Variants in STXBP5L observed in about 807,000 individuals in gnomAD.
The protein encoded by STXBP5L is syntaxin-binding protein 5-like.
Under a neutral mutation model 144.5 loss-of-function variants are expected in STXBP5L, and 65 were observed. That is an observed-to-expected ratio of 0.45 (90% CI 0.37 to 0.55). STXBP5L has a LOEUF of 0.55. STXBP5L is among the 20% of genes least tolerant of loss of function. STXBP5L has a pLI of 0.00. For missense variants in STXBP5L, 1,298 were observed against 1,405.5 expected, an observed-to-expected ratio of 0.92 and a Z score of 1.22; for synonymous variants, 505 against 469.6, an observed-to-expected ratio of 1.08 and a Z score of -0.97.
rs142197648 is a variant in STXBP5L, at chr3:121,333,716, C to G, written c.2176+15176C>G. Reference sequence around the variant, plus strand: ...GGTTACCACTGACCCCAAAGAAATACAAGTAACCAGCAGGGACTACTATAA... The same window carrying G: ...GGTTACCACTGACCCCAAAGAAATAGAAGTAACCAGCAGGGACTACTATAA... On this transcript the variant is annotated intron_variant, in intron 20 of 26. Transcript: ENST00000471454. 3.9e-5 allele frequency among the ~76,000 whole-genome samples: 6 copies of G among 152,124 alleles called. No homozygotes were observed. The East Asian group carries it at 9.7e-4, about 25-fold the overall frequency.
At chr3:121,258,093 C>T (rs1199537793) in intron 17 of STXBP5L, among the ~76,000 whole-genome samples, 1 of 151,998 alleles carries the variant, frequency 6.6e-6, no homozygotes, top group Non-Finnish European at 1.5e-5. Flanking sequence ...TTTTTTAAAA[C>T]TATTTATTAA....
At chr3:120,939,874 G>A (rs1003749670) in intron 2 of STXBP5L, among the ~76,000 whole-genome samples, 4 of 152,060 alleles carry the variant, frequency 2.6e-5, no homozygotes, top group African/African-American at 9.7e-5. Context: ...AAATGATCTA[G>A]TTCACTCTTT....
chr3:121,122,857 A>G (rs777736570), intron 7 of STXBP5L, among the ~76,000 whole-genome samples: 4 of 151,504 alleles, frequency 2.6e-5, no homozygotes, highest in African/African-American at 9.7e-5. Flanking sequence ...ATAATAAGAG[A>G]TAGGCAACAA....
intron 9 of STXBP5L, among the ~76,000 whole-genome samples, chr3:121,203,709 T>C (rs1170281043): frequency 6.6e-6 from 1 of 152,174 alleles, no homozygotes; most frequent in Non-Finnish European, 1.5e-5. Flanking sequence ...CCCACTGAAA[T>C]CAATTGATGA....
chr3:121,033,870 A>C (rs796244981), intron 3 of STXBP5L, among the ~76,000 whole-genome samples: 9 of 152,216 alleles, frequency 5.9e-5, no homozygotes, highest in African/African-American at 2.2e-4. Flanking sequence ...ACATGAATTA[A>C]ACTGATTAAT....
intron 20 of STXBP5L, among the ~76,000 whole-genome samples, chr3:121,366,329 C>G (rs972424332): frequency 3.4e-4 from 51 of 151,840 alleles, no homozygotes; most frequent in Admixed American, 8.5e-4. Context: ...GTTGGTCTAT[C>G]TATTTTTCAG....
At chr3:121,267,725 C>T (rs1225745216) in intron 18 of STXBP5L, among the ~76,000 whole-genome samples, 1 of 151,800 alleles carries the variant, frequency 6.6e-6, no homozygotes, top group Non-Finnish European at 1.5e-5. Flanking sequence ...AAAAAAACAA[C>T]CCCATCAAAA....
intron 5 of STXBP5L, among the ~76,000 whole-genome samples, chr3:121,058,188 A>G (rs1035268906): frequency 2.8e-4 from 42 of 151,942 alleles, no homozygotes; most frequent in African/African-American, 9.7e-4. Context: ...ATGTGTTCTC[A>G]TTGTTCGCCT....
chr3:121,017,399 A>C (rs1469261007), intron 3 of STXBP5L, among the ~76,000 whole-genome samples: 1 of 152,240 alleles, frequency 6.6e-6, no homozygotes, highest in Non-Finnish European at 1.5e-5. Context: ...ATGTATCCCC[A>C]AGGATTTCTA....
At chr3:120,948,772 T>G (rs1423365743) in intron 2 of STXBP5L, among the ~76,000 whole-genome samples, 1 of 151,998 alleles carries the variant, frequency 6.6e-6, no homozygotes, top group African/African-American at 2.4e-5. Context: ...TTACGGTGTA[T>G]ATATACCACA....
intron 3 of STXBP5L, among the ~76,000 whole-genome samples, chr3:120,968,214 T>C (rs775207988): frequency 3.3e-5 from 5 of 152,188 alleles, no homozygotes; most frequent in Admixed American, 3.3e-4. Context: ...GGTTTTCTAC[T>C]GTTATTGTGT....
intron 9 of STXBP5L, among the ~76,000 whole-genome samples, chr3:121,162,301 A>G (rs943982898): frequency 2.6e-5 from 4 of 152,196 alleles, no homozygotes; most frequent in Non-Finnish European, 4.4e-5. Context: ...GTTTTCCCTG[A>G]CAAAAATGTG....
chr3:121,121,794 G>C (rs2044478963), intron 7 of STXBP5L, 90 bp downstream of exon 7: 2 of 823,178 alleles, frequency 2.4e-6, no homozygotes, highest in Non-Finnish European at 3.9e-6. Flanking sequence ...CTAGTATCTA[G>C]CCCAGTTGAT....
At chr3:121,168,707 A>T (rs188608792) in intron 9 of STXBP5L, among the ~76,000 whole-genome samples, 1 of 152,270 alleles carries the variant, frequency 6.6e-6, no homozygotes, top group East Asian at 1.9e-4. Context: ...GACCAAACCT[A>T]TGTTTGATTG....
intron 5 of STXBP5L, among the ~76,000 whole-genome samples, chr3:121,114,208 G>A (rs572920941): frequency 1.3e-5 from 2 of 152,222 alleles, no homozygotes; most frequent in African/African-American, 4.8e-5. Context: ...TGATTGCTCT[G>A]GCTATGGAAC....
At chr3:121,350,425 C>A (rs2045227582) in intron 20 of STXBP5L, among the ~76,000 whole-genome samples, 1 of 152,094 alleles carries the variant, frequency 6.6e-6, no homozygotes, top group Admixed American at 6.5e-5. Flanking sequence ...GTGAATCTGA[C>A]AATTATGTGT....
Position 120,994,722 on chromosome 3 carries a change from G to A in STXBP5L, c.287+39685G>A, listed in dbSNP as rs540275908. Among the ~76,000 whole-genome samples, 5 of 152,060 alleles carry A rather than the reference G, an allele frequency of 3.3e-5. No individual in the cohort carries two copies. The South Asian group carries it at 1.0e-3, about 32-fold the overall frequency. Reference sequence around the variant, plus strand: ...ATTTTTGCATCTTTTTTCATCATGAGTAATGGTCTGTAGTTTTCTTTTTTG... The same window carrying A: ...ATTTTTGCATCTTTTTTCATCATGAATAATGGTCTGTAGTTTTCTTTTTTG... On this transcript the variant is annotated intron_variant, in intron 3 of 26. Transcript: ENST00000471454.
intron 5 of STXBP5L, among the ~76,000 whole-genome samples, chr3:121,066,796 C>G: frequency 6.6e-6 from 1 of 152,026 alleles, no homozygotes; most frequent in South Asian, 2.1e-4. Flanking sequence ...TTTTGGTGTT[C>G]CCTCTTAAAA....
intron 10 of STXBP5L, among the ~76,000 whole-genome samples, chr3:121,209,285 C>T (rs1348370097): frequency 1.3e-5 from 2 of 152,064 alleles, no homozygotes; most frequent in Non-Finnish European, 2.9e-5. Flanking sequence ...GGATACATAA[C>T]CAGAAATGGG....
Sources: gnomAD v4.1 joint callset for allele counts (sites outside exome capture counted in the v4.1 genomes callset) on GRCh38, gnomAD v4.1.1 for gene constraint, MANE v1.5 for transcripts, NCBI Gene and HGNC (gene_info 2026-07-23, HGNC 2026-07-21) for gene names.